FRMD3: variants seen among roughly 807,000 people sequenced by gnomAD.
The protein encoded by FRMD3 is FERM domain-containing protein 3.
Under a neutral mutation model 70.2 loss-of-function variants are expected in FRMD3, and 33 were observed. That is an observed-to-expected ratio of 0.47 (90% CI 0.36 to 0.63). FRMD3 has a LOEUF of 0.63. Among genes scored for constraint, FRMD3 ranks in the 20% least tolerant of loss-of-function variants. FRMD3 has a pLI of 0.00. For synonymous variants in FRMD3, 279 were observed against 255.9 expected (o/e 1.09, Z -0.86); for missense variants, 632 against 711.4 (o/e 0.89, Z 1.27).
Position 83,247,085 on chromosome 9 carries a change from A to G in FRMD3, c.*833T>C. 1.0e-6 allele frequency: 1 copy of G among 985,452 alleles called. No homozygotes were observed. Among genetic ancestry groups the G allele is most frequent in the South Asian group, 4.7e-5 (1 of 21,290 alleles). The allele number at this position is 985,452 out of a possible 1,614,324, so 61.0% of individuals were successfully genotyped here. A position where few individuals can be genotyped will look rare whatever the true frequency, so the allele number is the denominator to read the frequency against. ...TTCTCCAGCCAAAATATACGGACAG[A>G]ATACAAATGAAAATAACAAGTCCTC... On this transcript the variant is annotated 3_prime_UTR_variant, in exon 14 of 14. Transcript: ENST00000304195.
At chr9:83,482,967 T>C (rs1828604016) in intron 1 of FRMD3, among the ~76,000 whole-genome samples, 1 of 152,212 alleles carries the variant, frequency 6.6e-6, no homozygotes, top group Admixed American at 6.5e-5. Context: ...CATCCTGGCA[T>C]GGCAGCCACC....
At chr9:83,331,814 T>C in intron 6 of FRMD3, 2 of 717,106 alleles carry the variant, frequency 2.8e-6, no homozygotes, top group Non-Finnish European at 5.2e-6. Flanking sequence ...GTGAGGGCCA[T>C]TAAGGGCTGG....
At position 83,538,066 on chromosome 9, in the gene FRMD3, C is replaced by T. The variant is rs1217760078; in HGVS notation, c.147+19G>A. 5.6e-6 allele frequency: 9 copies of T among 1,610,032 alleles called. No homozygotes were observed. The African/African-American group carries it at 6.7e-5, about 12-fold the overall frequency. On this transcript the variant is annotated intron_variant, in intron 1 of 13. Transcript: ENST00000304195. This position sits in a 1 kb window ranked among gnomAD's most constrained non-coding sequence, Gnocchi z 4.7. ...GCTCCCGGCGTGTGCCCCGCGCCCT[C>T]GCCCGGTTCCACGCGCACCTGGATG...
intron 4 of FRMD3, 106 bp from the exon 5 acceptor site, chr9:83,343,393 C>T: frequency 1.3e-6 from 1 of 758,312 alleles, no homozygotes; most frequent in African/African-American, 1.7e-5. Context: ...TTTCCCAGCT[C>T]TAGAGACTGG....
At chr9:83,368,538 T>C (rs1168180724) in intron 3 of FRMD3, among the ~76,000 whole-genome samples, 1 of 152,130 alleles carries the variant, frequency 6.6e-6, no homozygotes, top group African/African-American at 2.4e-5. Flanking sequence ...AAATAAGACT[T>C]TGATTTAAGA....
chr9:83,243,839 G>T (rs551764826), downstream of FRMD3, among the ~76,000 whole-genome samples: 2 of 152,182 alleles, frequency 1.3e-5, no homozygotes, highest in African/African-American at 4.8e-5. Context: ...TTAACTGTTA[G>T]GTATGGAGTT....
intron 13 of FRMD3, among the ~76,000 whole-genome samples, chr9:83,277,701 G>A (rs2118875180): frequency 6.6e-6 from 1 of 152,316 alleles, no homozygotes; most frequent in South Asian, 2.1e-4. Flanking sequence ...CATAACAAGA[G>A]AGCATGCTTG....
At chr9:83,249,294 C>T (rs543248857) in intron 13 of FRMD3, among the ~76,000 whole-genome samples, 1 of 152,244 alleles carries the variant, frequency 6.6e-6, no homozygotes, top group Non-Finnish European at 1.5e-5. Flanking sequence ...AGGGTAAGAA[C>T]TTTTTCTAAT....
chr9:83,372,693 G>A (rs1420288649), intron 3 of FRMD3, among the ~76,000 whole-genome samples: 1 of 152,094 alleles, frequency 6.6e-6, no homozygotes, highest in Non-Finnish European at 1.5e-5. Flanking sequence ...AAGATGGGGG[G>A]GAGGGAGAGA....
At chr9:83,507,837 G>A (rs892010267) in intron 1 of FRMD3, among the ~76,000 whole-genome samples, 7 of 148,196 alleles carry the variant, frequency 4.7e-5, no homozygotes, top group African/African-American at 1.7e-4. Flanking sequence ...ACAAGAAAAA[G>A]TATAGTATAT....
intron 1 of FRMD3, among the ~76,000 whole-genome samples, chr9:83,420,586 TTTA>T (rs1826604168): frequency 6.6e-6 from 1 of 152,116 alleles, no homozygotes; most frequent in South Asian, 2.1e-4. Context: ...GATGAAAATT[TTTA>T]TTATCATTGA....
the FRMD3 span, among the ~76,000 whole-genome samples, chr9:83,581,401 C>G: frequency 6.6e-6 from 1 of 152,248 alleles, no homozygotes; most frequent in South Asian, 2.1e-4. Context: ...AAATGCAAAT[C>G]AAAACCACAA....
At chr9:83,569,033 A>G in the FRMD3 span, among the ~76,000 whole-genome samples, 9 of 152,164 alleles carry the variant, frequency 5.9e-5, no homozygotes, top group African/African-American at 1.2e-4. Context: ...AATGATTTCA[A>G]TAGCCAATAT....
intron 1 of FRMD3, among the ~76,000 whole-genome samples, chr9:83,490,032 T>C (rs1253903512): frequency 6.6e-6 from 1 of 152,194 alleles, no homozygotes; most frequent in African/African-American, 2.4e-5. Flanking sequence ...CCCCCAACTT[T>C]AATATACACT....
At chr9:83,339,853 T>A (rs911996719) in intron 5 of FRMD3, among the ~76,000 whole-genome samples, 2 of 152,190 alleles carry the variant, frequency 1.3e-5, no homozygotes, top group African/African-American at 4.8e-5. Flanking sequence ...AGTGATACCA[T>A]CCCAGCAGGC....
intron 6 of FRMD3, among the ~76,000 whole-genome samples, chr9:83,316,161 C>CTTTTTTTTTTTTTTTTTTTTTTTT: frequency 8.9e-6 from 1 of 112,606 alleles, no homozygotes; most frequent in Non-Finnish European, 1.7e-5. Flanking sequence ...TTTTTTTTTT[C>CTTTTTTTTTTTTTTTTTTTTTTTT]TTTTTTTTTT....
chr9:83,521,766 CTTGA>C (rs1489316756), intron 1 of FRMD3, among the ~76,000 whole-genome samples: 11 of 152,226 alleles, frequency 7.2e-5, no homozygotes, highest in African/African-American at 2.7e-4. Flanking sequence ...GGAACTCTTT[CTTGA>C]TTTAGAAAAG....
At chr9:83,547,576 A>T in the FRMD3 span, among the ~76,000 whole-genome samples, 2 of 152,266 alleles carry the variant, frequency 1.3e-5, no homozygotes, top group South Asian at 4.1e-4. Flanking sequence ...GTATACAGCA[A>T]TGCAATAATA....
intron 3 of FRMD3, among the ~76,000 whole-genome samples, chr9:83,368,245 T>C: frequency 6.6e-6 from 1 of 152,202 alleles, no homozygotes; most frequent in East Asian, 1.9e-4. Flanking sequence ...TTTGTGGTCA[T>C]GAAAATCTAT....
Sources: allele counts gnomAD v4.1 joint callset (sites outside exome capture counted in the v4.1 genomes callset), GRCh38; gene constraint gnomAD v4.1.1; non-coding constraint Gnocchi (gnomAD v3.1); transcripts MANE v1.5; gene names NCBI Gene and HGNC (gene_info 2026-07-23, HGNC 2026-07-21).